KLHL6: variants seen among roughly 807,000 people sequenced by gnomAD.
The protein encoded by KLHL6 is kelch-like protein 6.
Under a neutral mutation model 58.6 loss-of-function variants are expected in KLHL6, and 41 were observed. The observed-to-expected ratio is 0.70, with a 90% confidence interval of 0.55 to 0.91. KLHL6 has a LOEUF of 0.91. Among genes scored for constraint, KLHL6 ranks in the 40% least tolerant of loss-of-function variants. The pLI is 0.00. For missense variants in KLHL6, 714 were observed against 805.6 expected (o/e 0.89, Z 1.38); for synonymous variants, 338 against 322.7 (o/e 1.05, Z -0.51).
In KLHL6 at chr3:183,492,704, C is replaced by T. The variant is rs200654682; in HGVS notation, c.1354G>A (p.Ala452Thr). ...DPFHNCWSEAAPLLVHVSSFA... is the reference protein window; with the variant it reads ...DPFHNCWSEATPLLVHVSSFA... ...GAACTGACATGGACAAGGAGGGGTG[C>T]GGCCTGTAGAGGCACAGGGCACAAG... Residue 452 changes from alanine (A) to threonine (T), a missense_variant, in exon 6 of 7, where the codon GCA becomes ACA. By Grantham distance (58) the Ala-to-Thr change is moderately conservative. Coordinates refer to ENST00000341319, the MANE Select transcript of KLHL6 (RefSeq NM_130446.4). The surrounding 1 kb of genome is among the most constrained non-coding windows in gnomAD (Gnocchi z 5.9). 224 of 1,612,978 alleles carry T rather than the reference C, an allele frequency of 1.4e-4. No homozygotes were observed. The highest frequency in any genetic ancestry group is 2.7e-4 in the East Asian group (12 of 44,886).
At chr3:183,528,355 C>T (rs1469834463) in intron 1 of KLHL6, among the ~76,000 whole-genome samples, 1 of 152,226 alleles carries the variant, frequency 6.6e-6, no homozygotes, top group Non-Finnish European at 1.5e-5. Flanking sequence ...AGCACCCAAA[C>T]AGGGCTTCTG....
intron 2 of KLHL6, among the ~76,000 whole-genome samples, chr3:183,514,314 G>A (rs1163360697): frequency 1.3e-5 from 2 of 152,052 alleles, no homozygotes; most frequent in African/African-American, 4.8e-5. Context: ...CCACAATCTG[G>A]CTGTCAGTCA....
In KLHL6 at chr3:183,490,957, T is replaced by C. The variant is rs1178109377; in HGVS notation, c.*970A>G. On this transcript the variant is annotated 3_prime_UTR_variant, in exon 7 of 7. Transcript: ENST00000341319. Reference sequence around the variant, plus strand: ...AGCCCAAATGACTCCTTGGTTTAAATATTGGTAAAGGGCGGGGACGAGGGA... The same window carrying C: ...AGCCCAAATGACTCCTTGGTTTAAACATTGGTAAAGGGCGGGGACGAGGGA... 6.6e-6 allele frequency: 1 copy of C among 152,014 alleles called. No homozygotes were observed. The allele number at this position is 152,014 out of a possible 1,614,324, so 9.4% of individuals were successfully genotyped here. A position where few individuals can be genotyped will look rare whatever the true frequency, so the allele number is the denominator to read the frequency against.
intron 1 of KLHL6, among the ~76,000 whole-genome samples, chr3:183,550,442 C>T (rs1180540562): frequency 1.3e-5 from 2 of 152,038 alleles, no homozygotes; most frequent in Non-Finnish European, 2.9e-5. Context: ...CACACACGCA[C>T]GCACACACAC....
chr3:183,538,794 C>T (rs1275402778), intron 1 of KLHL6, among the ~76,000 whole-genome samples: 1 of 152,172 alleles, frequency 6.6e-6, no homozygotes. Flanking sequence ...AAGGGAAGCA[C>T]TTAAACATTC....
intron 2 of KLHL6, among the ~76,000 whole-genome samples, chr3:183,525,967 G>A (rs553640921): frequency 6.6e-6 from 1 of 152,338 alleles, no homozygotes; most frequent in South Asian, 2.1e-4. Flanking sequence ...CTTCCCTTCC[G>A]GGGTTCTGAA....
Position 183,543,736 on chromosome 3 carries a change from G to T in KLHL6, c.293+11625C>A, listed in dbSNP as rs76976340. On this transcript the variant is annotated intron_variant, in intron 1 of 6. Transcript: ENST00000341319. ...CACATGATCTTTTCAATCCAATAAGGTCTTACTGGACCCTGGACCTGAATC... is the reference window on the plus strand; with the variant it reads ...CACATGATCTTTTCAATCCAATAAGTTCTTACTGGACCCTGGACCTGAATC... Among the ~76,000 whole-genome samples the T allele has an allele frequency of 8.7e-3, 1,317 of 152,158 alleles. 23 individuals are homozygous for T. The highest frequency in any genetic ancestry group is 0.03 in the African/African-American group (1,249 of 41,504).
intron 5 of KLHL6, chr3:183,493,113 G>C (rs1364954378): frequency 9.7e-6 from 2 of 206,330 alleles, no homozygotes; most frequent in African/African-American, 4.7e-5. Flanking sequence ...ATTTTCCTTG[G>C]TGCTTATATC....
intron 1 of KLHL6, among the ~76,000 whole-genome samples, chr3:183,532,443 A>G (rs1286574559): frequency 6.6e-6 from 1 of 152,252 alleles, no homozygotes; most frequent in Non-Finnish European, 1.5e-5. Context: ...GCTGACTAAT[A>G]CTGGCAGTCT....
chr3:183,540,060 C>T (rs575362120), intron 1 of KLHL6, among the ~76,000 whole-genome samples: 1 of 152,316 alleles, frequency 6.6e-6, no homozygotes, highest in South Asian at 2.1e-4. Context: ...TCTCTTTTAG[C>T]AGGAGTACTC....
At chr3:183,526,060 C>A (rs1191544537) in intron 2 of KLHL6, among the ~76,000 whole-genome samples, 1 of 152,216 alleles carries the variant, frequency 6.6e-6, no homozygotes, top group Non-Finnish European at 1.5e-5. Context: ...GTAATCCCAG[C>A]ACTTTGGGAG....
chr3:183,550,902 C>T (rs537076727), intron 1 of KLHL6, among the ~76,000 whole-genome samples: 3 of 152,042 alleles, frequency 2.0e-5, no homozygotes, highest in East Asian at 1.9e-4. Context: ...GGGTGGATCA[C>T]GAGGTCAGGA....
chr3:183,537,749 G>C (rs895963313), intron 1 of KLHL6, among the ~76,000 whole-genome samples: 1 of 151,992 alleles, frequency 6.6e-6, no homozygotes, highest in Non-Finnish European at 1.5e-5. Context: ...GCCAAACATC[G>C]CCTTCTCAGA....
rs184616936 is a variant in KLHL6 at position 183,497,504 on chromosome 3, A to G, written c.1147+2086T>C. Among the ~76,000 whole-genome samples, 82 of 152,342 alleles carry G rather than the reference A, an allele frequency of 5.4e-4. No individual in the cohort carries two copies. In the Middle Eastern group the frequency reaches 0.01, roughly 19 times the overall value. On this transcript the variant is annotated intron_variant, in intron 4 of 6. Transcript: ENST00000341319. Reference sequence around the variant, plus strand: ...GTTGATCCCTCCTGGGCACACAGCTAAACTACATTTCCCAGGTCCCTGCAC... The same window carrying G: ...GTTGATCCCTCCTGGGCACACAGCTGAACTACATTTCCCAGGTCCCTGCAC...
intron 2 of KLHL6, among the ~76,000 whole-genome samples, chr3:183,514,309 A>T (rs2108678079): frequency 6.6e-6 from 1 of 152,202 alleles, no homozygotes. Flanking sequence ...ATCTTCCACA[A>T]TCTGGCTGTC....
chr3:183,532,107 T>C (rs1347615360), intron 1 of KLHL6, among the ~76,000 whole-genome samples: 1 of 152,216 alleles, frequency 6.6e-6, no homozygotes, highest in African/African-American at 2.4e-5. Context: ...AATGTGAATG[T>C]ATTAGGAGAT....
In KLHL6 at chr3:183,537,337, C is replaced by A. The variant is rs377020499; in HGVS notation, c.294-9327G>T. On this transcript the variant is annotated intron_variant, in intron 1 of 6. Transcript: ENST00000341319. ...TTGCGGGGGATCAACTCAGTGTCAG[C>A]GCTCAATGGACCAGCCCAAACTTTG... Among the ~76,000 whole-genome samples, 6 of 152,292 alleles carry A rather than the reference C, an allele frequency of 3.9e-5. No individual in the cohort carries two copies. The East Asian group carries it at 1.2e-3, about 29-fold the overall frequency.
At chr3:183,502,779 G>A (rs1362570189) in intron 3 of KLHL6, among the ~76,000 whole-genome samples, 1 of 152,188 alleles carries the variant, frequency 6.6e-6, no homozygotes, top group Admixed American at 6.5e-5. Flanking sequence ...GAAGCACCCA[G>A]CTAAACCACT....
intron 3 of KLHL6, among the ~76,000 whole-genome samples, chr3:183,507,590 C>G (rs1312267675): frequency 6.6e-6 from 1 of 152,028 alleles, no homozygotes; most frequent in Non-Finnish European, 1.5e-5. Flanking sequence ...TGCCACCATG[C>G]CCACCTAATT....
Sources: allele counts gnomAD v4.1 joint callset (sites outside exome capture counted in the v4.1 genomes callset), GRCh38; gene constraint gnomAD v4.1.1; non-coding constraint Gnocchi (gnomAD v3.1); transcripts MANE v1.5; gene names NCBI Gene and HGNC (gene_info 2026-07-23, HGNC 2026-07-21).